The following TRPC3 variants were observed in gnomAD, a reference collection of about 807,000 sequenced individuals.
TRPC3 encodes the protein transient receptor potential cation channel subfamily C member 3.
Under a neutral mutation model 90.9 loss-of-function variants are expected in TRPC3, and 54 were observed. That is an observed-to-expected ratio of 0.59 (90% CI 0.48 to 0.75). The LOEUF (loss-of-function observed/expected upper bound fraction) is 0.75. Among genes scored for constraint, TRPC3 ranks in the 30% least tolerant of loss-of-function variants. TRPC3 has a pLI of 0.00. For synonymous variants in TRPC3, 424 were observed against 450.9 expected (o/e 0.94, Z 0.75); for missense variants, 918 against 1,194.5 (o/e 0.77, Z 3.41).
At chr4:121,925,982 C>T (rs1433602417) in intron 2 of TRPC3, among the ~76,000 whole-genome samples, 1 of 152,104 alleles carries the variant, frequency 6.6e-6, no homozygotes, top group African/African-American at 2.4e-5. Flanking sequence ...GGCAATTTTT[C>T]TAAAATGGCA....
intron 8 of TRPC3, 65 bp downstream of exon 8, chr4:121,904,257 A>C: frequency 6.9e-6 from 10 of 1,439,772 alleles, no homozygotes; most frequent in Non-Finnish European, 9.5e-6. Context: ...CAGGGTACAG[A>C]AGCAGATGTG....
At chr4:121,930,830 TAAAAA>T (rs71599162) in intron 2 of TRPC3, 159 of 203,882 alleles carry the variant, frequency 7.8e-4, no homozygotes, top group South Asian at 1.7e-3. Flanking sequence ...CTCTGAGATC[TAAAAA>T]AAAAAAAAAA....
Position 121,875,889 on chromosome 4 carries a change from ATTTTTTTTTTT to A in TRPC3, c.*3836_*3846del, listed in dbSNP as rs1163932789. 0.021 allele frequency among the ~76,000 whole-genome samples: 1,598 copies of A among 75,274 alleles called. 63 individuals are homozygous for A. In the East Asian group the frequency reaches 0.29, roughly 14 times the overall value. 49.4% of individuals were successfully genotyped at this position (75,274 alleles called of 152,430 possible). A position where few individuals can be genotyped will look rare whatever the true frequency, so the allele number is the denominator to read the frequency against. On this transcript the variant is annotated 3_prime_UTR_variant, in exon 12 of 12. Coordinates refer to ENST00000379645, the MANE Select transcript of TRPC3 (RefSeq NM_001130698.2). ...ACAAAGTTATAAATACCCATTTTAG[ATTTTTTTTTTT>A]TTTTTTTTTTTTTTTTGTGGGGGGT...
At chr4:121,895,666 A>C (rs1560690166) in intron 10 of TRPC3, among the ~76,000 whole-genome samples, 1 of 152,118 alleles carries the variant, frequency 6.6e-6, no homozygotes, top group Non-Finnish European at 1.5e-5. Flanking sequence ...ACAGACCAAA[A>C]ACAGGTAACA....
chr4:121,932,750 C>A lies in TRPC3; in HGVS notation c.508G>T (p.Glu170Ter). 1 of 1,613,848 alleles carries A rather than the reference C, an allele frequency of 6.2e-7. No individual in the cohort carries two copies. The highest frequency in any genetic ancestry group is 8.5e-7 in the Non-Finnish European group (1 of 1,179,800). Residue 170 changes from glutamate (E) to a stop codon, truncating the protein, a stop_gained, in exon 2 of 12, where the codon GAG becomes TAG. Transcript: ENST00000379645. LOFTEE classifies it high-confidence loss of function. This position sits in a 1 kb window ranked among gnomAD's most constrained non-coding sequence, Gnocchi z 7.7. ...GCGTCGCCAATGCGCGCCAGGTTCT[C>A]CTTCTTGAGCAGCAGCTCGGTCACC... Reference protein sequence around the residue: ...LEVTELLLKKENLARIGDALL... With the variant: ...LEVTELLLKK
intron 1 of TRPC3, among the ~76,000 whole-genome samples, chr4:121,944,616 C>G (rs2149154232): frequency 6.6e-6 from 1 of 152,222 alleles, no homozygotes; most frequent in East Asian, 1.9e-4. Context: ...ATCCTCTCAC[C>G]TCTTTAATAT....
chr4:121,949,538 A>C (rs926400160), intron 1 of TRPC3, among the ~76,000 whole-genome samples: 1 of 152,210 alleles, frequency 6.6e-6, no homozygotes, highest in Admixed American at 6.5e-5. Flanking sequence ...CTGTTTATGA[A>C]ACAGTGGCCG....
chr4:121,921,729 T>C (rs1729519424), intron 3 of TRPC3, among the ~76,000 whole-genome samples: 1 of 152,026 alleles, frequency 6.6e-6, no homozygotes, highest in Non-Finnish European at 1.5e-5. Flanking sequence ...GGACTACCTC[T>C]GTGCCAGAGT....
chr4:121,921,898 T>C (rs190554374), intron 3 of TRPC3, among the ~76,000 whole-genome samples: 165 of 149,424 alleles, frequency 1.1e-3, no homozygotes, highest in African/African-American at 4.0e-3. Context: ...AAGGAAGCCT[T>C]TGTTTTTTGG....
Position 121,909,571 on chromosome 4 carries a change from A to C in TRPC3, c.1792+583T>G, listed in dbSNP as rs1049992252. Among the ~76,000 whole-genome samples the C allele has an allele frequency of 5.3e-5, 8 of 152,228 alleles. No homozygotes were observed. In the East Asian group the frequency reaches 1.5e-3, roughly 29 times the overall value. On this transcript the variant is annotated intron_variant, in intron 6 of 11. Transcript: ENST00000379645. ...CACACCGGATGTCAGCTGAGGTCTCACTGCTCTTCATAATATAGAGATATT... is the reference window on the plus strand; with the variant it reads ...CACACCGGATGTCAGCTGAGGTCTCCCTGCTCTTCATAATATAGAGATATT...
chr4:121,951,381 C>G lies in TRPC3; in HGVS notation c.215+85G>C, dbSNP rs967446038. On this transcript the variant is annotated intron_variant, in intron 1 of 11. Coordinates refer to ENST00000379645, the MANE Select transcript of TRPC3 (RefSeq NM_001130698.2). The surrounding 1 kb of genome is among the most constrained non-coding windows in gnomAD (Gnocchi z 4.4). ...TGGGTCTCGGAGGTCCCGGGCTCGA[C>G]GTGGAGCCGCCCGGCGCGCGCCTTC... is the stretch of plus-strand genomic sequence containing the variant. 9.6e-6 allele frequency: 9 copies of G among 938,662 alleles called. No homozygotes were observed. Among genetic ancestry groups the G allele is most frequent in the Non-Finnish European group, 1.1e-5 (8 of 753,166 alleles). The allele number at this position is 938,662 out of a possible 1,614,324, so 58.1% of individuals were successfully genotyped here.
chr4:121,916,807 G>A (rs765048091), intron 3 of TRPC3, among the ~76,000 whole-genome samples: 6 of 151,844 alleles, frequency 4.0e-5, no homozygotes, highest in African/African-American at 9.7e-5. Flanking sequence ...TCCACCTCCC[G>A]GGTTCAAGTG....
chr4:121,903,388 A>G (rs1295614967), intron 8 of TRPC3, among the ~76,000 whole-genome samples: 1 of 152,176 alleles, frequency 6.6e-6, no homozygotes, highest in Non-Finnish European at 1.5e-5. Flanking sequence ...TCCCCCACCC[A>G]GTCAATTCTG....
chr4:121,888,176 T>C (rs1230515642), intron 10 of TRPC3, among the ~76,000 whole-genome samples: 2 of 152,148 alleles, frequency 1.3e-5, no homozygotes, highest in Non-Finnish European at 2.9e-5. Flanking sequence ...AAAACATTTT[T>C]GAAACTCTTC....
At chr4:121,940,320 A>G (rs1007009373) in intron 1 of TRPC3, among the ~76,000 whole-genome samples, 1 of 152,236 alleles carries the variant, frequency 6.6e-6, no homozygotes, top group African/African-American at 2.4e-5. Context: ...TGTAGTAAGC[A>G]AAAACAAAAC....
chr4:121,914,074 C>G (rs1372569174), intron 4 of TRPC3, among the ~76,000 whole-genome samples: 1 of 152,212 alleles, frequency 6.6e-6, no homozygotes, highest in Admixed American at 6.5e-5. Context: ...AATAGTATTC[C>G]TTTCCACATC....
chr4:121,925,709 G>A (rs192727540), intron 2 of TRPC3, among the ~76,000 whole-genome samples: 193 of 152,230 alleles, frequency 1.3e-3, no homozygotes, highest in Non-Finnish European at 1.9e-3. Context: ...ACCACAAAAA[G>A]TAACGTGAGG....
chr4:121,899,568 T>C (rs781157713), intron 10 of TRPC3, 44 bp downstream of exon 10: 34 of 1,510,952 alleles, frequency 2.3e-5, no homozygotes, highest in Non-Finnish European at 2.9e-5. Context: ...CAGACATATA[T>C]GGAATCACAT....
Position 121,951,734 on chromosome 4 carries a change from T to G in TRPC3, c.-54A>C. 1 of 1,272,658 alleles carries G rather than the reference T, an allele frequency of 7.9e-7. No individual in the cohort carries two copies. The highest frequency in any genetic ancestry group is 1.0e-6 in the Non-Finnish European group (1 of 994,052). 78.8% of individuals were successfully genotyped at this position (1,272,658 alleles called of 1,614,324 possible). ...TGCCGGCTGCCGGCCTCCTCCGCCT[T>G]CGCGGCAGTGCAGTCTTCCCGCGGC... is the stretch of plus-strand genomic sequence containing the variant. On this transcript the variant is annotated 5_prime_UTR_variant, in exon 1 of 12. Transcript: ENST00000379645. The surrounding 1 kb of genome is among the most constrained non-coding windows in gnomAD (Gnocchi z 4.4).
Sources: allele counts gnomAD v4.1 joint callset (sites outside exome capture counted in the v4.1 genomes callset), GRCh38; gene constraint gnomAD v4.1.1; non-coding constraint Gnocchi (gnomAD v3.1); transcripts MANE v1.5; gene names NCBI Gene and HGNC (gene_info 2026-07-23, HGNC 2026-07-21).